The following HTR1F variants were observed in gnomAD, a reference collection of about 807,000 sequenced individuals.
The protein encoded by HTR1F is 5-hydroxytryptamine receptor 1F.
HTR1F carries 17 observed loss-of-function variants against 24.0 expected under a neutral mutation model. The ratio of observed to expected loss-of-function variants is 0.71; its 90% CI spans 0.48 to 1.06. The LOEUF (loss-of-function observed/expected upper bound fraction) is 1.06, where lower values mean the gene tolerates loss of function less well. Ranked by LOEUF, HTR1F falls within the 50% of genes least tolerant of loss-of-function variation. HTR1F has a pLI of 0.00. For synonymous variants in HTR1F, 186 were observed against 156.8 expected, an observed-to-expected ratio of 1.19 and a Z score of -1.39; for missense variants, 391 against 427.8, an observed-to-expected ratio of 0.91 and a Z score of 0.76.
intron 2 of HTR1F, among the ~76,000 whole-genome samples, chr3:87,982,554 C>CTAT (rs1705568136): frequency 6.6e-6 from 1 of 152,188 alleles, no homozygotes; most frequent in South Asian, 2.1e-4. Context: ...GGCTACTTAG[C>CTAT]TATAATCCAG....
At chr3:87,920,367 C>A (rs1171075991) in intron 2 of HTR1F, among the ~76,000 whole-genome samples, 22 of 151,804 alleles carry the variant, frequency 1.4e-4, no homozygotes, top group Admixed American at 1.4e-3. Flanking sequence ...ACTCATGTAA[C>A]CAAACACCAC....
chr3:87,977,070 G>A (rs1259906987), intron 2 of HTR1F, among the ~76,000 whole-genome samples: 1 of 152,082 alleles, frequency 6.6e-6, no homozygotes, highest in Non-Finnish European at 1.5e-5. Flanking sequence ...TATGGTAATT[G>A]TACATTATTT....
intron 2 of HTR1F, among the ~76,000 whole-genome samples, chr3:87,946,458 CA>C (rs1005949683): frequency 3.3e-5 from 5 of 151,660 alleles, no homozygotes; most frequent in Non-Finnish European, 7.4e-5. Context: ...TTCTAATAGG[CA>C]AAAATCATTT....
intron 1 of HTR1F, among the ~76,000 whole-genome samples, chr3:87,807,585 T>C (rs906825380): frequency 1.3e-5 from 2 of 152,008 alleles, no homozygotes; most frequent in Non-Finnish European, 2.9e-5. Context: ...CAATTTGACT[T>C]ATTTTCCAAT....
intron 2 of HTR1F, among the ~76,000 whole-genome samples, chr3:87,968,353 C>T (rs1705211301): frequency 6.6e-6 from 1 of 152,112 alleles, no homozygotes; most frequent in African/African-American, 2.4e-5. Flanking sequence ...GCTGCGATTA[C>T]AGATGCCTGA....
intron 2 of HTR1F, among the ~76,000 whole-genome samples, chr3:87,858,651 G>A (rs1705251827): frequency 1.1e-4 from 16 of 151,546 alleles, no homozygotes. Context: ...GAAATAAATG[G>A]ATATTCTCGG....
intron 2 of HTR1F, among the ~76,000 whole-genome samples, chr3:87,986,229 A>G (rs1405277274): frequency 9.2e-5 from 14 of 152,228 alleles, no homozygotes; most frequent in Non-Finnish European, 1.5e-4. Context: ...GTCTAAATTA[A>G]TAAAGGTAGA....
At chr3:87,914,175 G>A (rs1703839862) in intron 2 of HTR1F, among the ~76,000 whole-genome samples, 1 of 152,138 alleles carries the variant, frequency 6.6e-6, no homozygotes, top group Non-Finnish European at 1.5e-5. Context: ...CAGGGGTAGA[G>A]GTGGCAGCAG....
At chr3:87,914,760 C>T (rs542558252) in intron 2 of HTR1F, among the ~76,000 whole-genome samples, 2 of 152,216 alleles carry the variant, frequency 1.3e-5, no homozygotes, top group South Asian at 2.1e-4. Context: ...CCCTACCCAC[C>T]CTGGTAGCTG....
chr3:87,944,542 T>C (rs1290875619), intron 2 of HTR1F, among the ~76,000 whole-genome samples: 3 of 152,256 alleles, frequency 2.0e-5, no homozygotes, highest in Non-Finnish European at 4.4e-5. Flanking sequence ...CTCCTAGGTC[T>C]GGTCGGACCT....
At chr3:87,828,567 C>T (rs1396616249) in intron 2 of HTR1F, among the ~76,000 whole-genome samples, 1 of 152,128 alleles carries the variant, frequency 6.6e-6, no homozygotes, top group Non-Finnish European at 1.5e-5. Context: ...TGACATCTCA[C>T]CCAAGGAAGA....
intron 2 of HTR1F, among the ~76,000 whole-genome samples, chr3:87,923,007 C>T (rs1386147257): frequency 4.0e-5 from 6 of 151,666 alleles, no homozygotes; most frequent in African/African-American, 1.5e-4. Context: ...GTTTTTCCAG[C>T]AACATTTATT....
At chr3:87,861,723 A>C (rs1382943743) in intron 2 of HTR1F, among the ~76,000 whole-genome samples, 2 of 152,148 alleles carry the variant, frequency 1.3e-5, no homozygotes, top group Non-Finnish European at 2.9e-5. Flanking sequence ...TTAGATGGCC[A>C]ATTCCTTCCC....
intron 2 of HTR1F, among the ~76,000 whole-genome samples, chr3:87,851,225 C>G (rs188857450): frequency 6.6e-6 from 1 of 151,598 alleles, no homozygotes; most frequent in African/African-American, 2.4e-5. Flanking sequence ...TTGCAATTCT[C>G]TTTTTTCACT....
intron 2 of HTR1F, among the ~76,000 whole-genome samples, chr3:87,973,574 T>C (rs1250550900): frequency 2.0e-5 from 3 of 152,212 alleles, no homozygotes; most frequent in African/African-American, 7.2e-5. Context: ...ATATAATGCA[T>C]AGGCTACTTT....
At chr3:87,884,952 G>T (rs1705901588) in intron 2 of HTR1F, among the ~76,000 whole-genome samples, 2 of 152,106 alleles carry the variant, frequency 1.3e-5, no homozygotes, top group Admixed American at 6.6e-5. Flanking sequence ...GGTTAACAAG[G>T]ATATCCAGGA....
intron 2 of HTR1F, among the ~76,000 whole-genome samples, chr3:87,848,345 C>A (rs951786285): frequency 6.6e-6 from 1 of 151,730 alleles, no homozygotes; most frequent in Non-Finnish European, 1.5e-5. Context: ...GTCTTTTGCC[C>A]TTTTGCCCAT....
intron 2 of HTR1F, among the ~76,000 whole-genome samples, chr3:87,983,581 C>T (rs1389678130): frequency 1.3e-5 from 2 of 152,156 alleles, no homozygotes; most frequent in African/African-American, 4.8e-5. Flanking sequence ...TTACTCAATG[C>T]TGGCCTATTT....
chr3:87,857,231 A>T (rs192060699), intron 2 of HTR1F, among the ~76,000 whole-genome samples: 21 of 152,208 alleles, frequency 1.4e-4, no homozygotes, highest in Admixed American at 1.0e-3. Flanking sequence ...GTAGTAAATT[A>T]AAATATTTTC....
Sources: gnomAD v4.1 joint callset for allele counts (sites outside exome capture counted in the v4.1 genomes callset) on GRCh38, gnomAD v4.1.1 for gene constraint, MANE v1.5 for transcripts, NCBI Gene and HGNC (gene_info 2026-07-23, HGNC 2026-07-21) for gene names.